The following MAPK9 variants were observed in gnomAD, a reference collection of about 807,000 sequenced individuals.
MAPK9 encodes the protein mitogen-activated protein kinase 9, also known as Jun kinase.
MAPK9 carries 30 observed loss-of-function variants against 57.1 expected under a neutral mutation model. The ratio of observed to expected loss-of-function variants is 0.53; its 90% CI spans 0.39 to 0.71. MAPK9 has a LOEUF of 0.71. MAPK9 is among the 30% of genes least tolerant of loss of function. The pLI, the probability that MAPK9 is intolerant of heterozygous loss-of-function variation, is 0.00. For missense variants in MAPK9, 362 were observed against 521.0 expected (o/e 0.69, Z 2.97); for synonymous variants, 155 against 177.0 (o/e 0.88, Z 0.99).
intron 1 of MAPK9, among the ~76,000 whole-genome samples, chr5:180,287,582 G>C (rs1023562129): frequency 6.6e-6 from 1 of 152,132 alleles, no homozygotes; most frequent in Admixed American, 6.5e-5. Context: ...AACCACCTGG[G>C]ATCAGCGGAC....
chr5:180,284,831 A>G (rs182618585), intron 1 of MAPK9, among the ~76,000 whole-genome samples: 3 of 152,298 alleles, frequency 2.0e-5, no homozygotes, highest in South Asian at 2.1e-4. Context: ...ATCAATGTGG[A>G]AAGATGTCTA....
At chr5:180,267,928 T>G (rs1413585750) in intron 3 of MAPK9, among the ~76,000 whole-genome samples, 8 of 152,184 alleles carry the variant, frequency 5.3e-5, no homozygotes, top group Non-Finnish European at 2.9e-5. Flanking sequence ...AGTGGTGCTA[T>G]CTCAGCTCAC....
Position 180,236,514 on chromosome 5 carries a change from C to T in MAPK9, c.1145G>A (p.Ser382Asn). 1 of 1,613,872 alleles carries T rather than the reference C, an allele frequency of 6.2e-7. No individual in the cohort carries two copies. Residue 382 changes from serine to asparagine, a missense_variant, in exon 12 of 12, where the codon AGT becomes AAT. Coordinates refer to ENST00000452135, the MANE Select transcript of MAPK9 (RefSeq NM_002752.5). ...AGACTGAGAAGGAGTGGCGTTGCTA[C>T]TTACTGCTGCATCTGTGCTAAGAAA... ...VKDQPSDAAV[S>N]SNATPSQSSS...
rs117165727 is a variant in MAPK9 at position 180,267,279 on chromosome 5, A to G, written c.252+2001T>C. Among the ~76,000 whole-genome samples, 585 of 152,256 alleles carry G rather than the reference A, an allele frequency of 3.8e-3. 39 individuals carry two copies. In the East Asian group the frequency reaches 0.1, roughly 26 times the overall value. ...ATTTTTTAAATAAGTAAGTAAAACA[A>G]GTCCGGGTGCGGTGGCTCACGCCTG... On this transcript the variant is annotated intron_variant, in intron 3 of 11. Coordinates refer to ENST00000452135, the MANE Select transcript of MAPK9 (RefSeq NM_002752.5).
rs190787486 is a variant in MAPK9 at position 180,264,987 on chromosome 5, A to G, written c.253-148T>C. ...TTACTGCTTTTACCAATTACATGGC[A>G]TTTGAGAAAAGTTAAACATCAATTA... is the stretch of plus-strand genomic sequence containing the variant. On this transcript the variant is annotated intron_variant, in intron 3 of 11. Transcript: ENST00000452135. The G allele has an allele frequency of 7.8e-5, 45 of 576,814 alleles. No individual in the cohort carries two copies. The African/African-American group carries it at 8.2e-4, about 10-fold the overall frequency. 35.7% of individuals were successfully genotyped at this position (576,814 alleles called of 1,614,324 possible). A position where few individuals can be genotyped will look rare whatever the true frequency, so the allele number is the denominator to read the frequency against.
chr5:180,272,982 GT>G (rs1761482811), intron 2 of MAPK9, among the ~76,000 whole-genome samples: 1 of 151,976 alleles, frequency 6.6e-6, no homozygotes, highest in Non-Finnish European at 1.5e-5. Flanking sequence ...CCTCTGCGTG[GT>G]TCCAGTACAC....
At chr5:180,289,174 C>G (rs939398162) in intron 1 of MAPK9, among the ~76,000 whole-genome samples, 1 of 152,122 alleles carries the variant, frequency 6.6e-6, no homozygotes, top group African/African-American at 2.4e-5. Flanking sequence ...CTGGTTTACT[C>G]GCTATTAACT....
intron 3 of MAPK9, among the ~76,000 whole-genome samples, chr5:180,266,846 C>T (rs1469381474): frequency 6.6e-6 from 1 of 152,144 alleles, no homozygotes; most frequent in East Asian, 1.9e-4. Flanking sequence ...TCTGACCTGA[C>T]AATGTTGGCC....
At chr5:180,266,111 C>A (rs966724434) in intron 3 of MAPK9, among the ~76,000 whole-genome samples, 11 of 151,000 alleles carry the variant, frequency 7.3e-5, no homozygotes, top group African/African-American at 2.7e-4. Context: ...AAAAAACCCT[C>A]CTACAAATGC....
At chr5:180,291,676 G>A (rs1322354687) in intron 1 of MAPK9, among the ~76,000 whole-genome samples, 172 bp downstream of exon 1, 1 of 151,502 alleles carries the variant, frequency 6.6e-6, no homozygotes, top group Non-Finnish European at 1.5e-5. Flanking sequence ...ACAGCCGGGC[G>A]GAAGGGGGCG....
intron 2 of MAPK9, chr5:180,279,780 A>G: frequency 2.2e-6 from 1 of 454,770 alleles, no homozygotes. Flanking sequence ...TCTAGGAAAC[A>G]TGTGAAGAGC....
chr5:180,241,282 T>A (rs1757631268), intron 8 of MAPK9, 127 bp from the exon 9 acceptor site: 2 of 1,066,114 alleles, frequency 1.9e-6, no homozygotes, highest in Non-Finnish European at 2.6e-6. Context: ...GTTTGATAGG[T>A]TCAAGATGAA....
rs1380937878 is a variant in MAPK9 at position 180,247,467 on chromosome 5, T to A, written c.660A>T (p.Lys220Asn). Residue 220 changes from lysine (K) to asparagine (N), a missense_variant, in exon 7 of 12, where the codon AAA becomes AAT. This residue lies in a region of MAPK9 where 199 missense variants were observed against 251.3 expected (regional missense o/e 0.79). Transcript: ENST00000452135. This position sits in a 1 kb window ranked among gnomAD's most constrained non-coding sequence, Gnocchi z 4.5. ...SVGCIMGELV[K>N]GCVIFQGTDH... ...CAGTGCCTTGGAATATCACACAACC[T>A]TTCACCAGCTCTCCCATGATGCAAC... 1 of 1,614,082 alleles carries A rather than the reference T, an allele frequency of 6.2e-7. No homozygotes were observed.
chr5:180,287,820 G>C (rs1397359229), intron 1 of MAPK9, among the ~76,000 whole-genome samples: 1 of 152,074 alleles, frequency 6.6e-6, no homozygotes, highest in African/African-American at 2.4e-5. Flanking sequence ...ATTGCATTCC[G>C]AGTCTACTTA....
In MAPK9 at chr5:180,236,372, A is replaced by C. The variant is rs1757172451; in HGVS notation, c.*12T>G. On this transcript the variant is annotated 3_prime_UTR_variant, in exon 12 of 12. Coordinates refer to ENST00000452135, the MANE Select transcript of MAPK9 (RefSeq NM_002752.5). ...TTCCTTCAATGCTGACAGGTTTGCT[A>C]TTTCTAACCTATCATCGACAGCCTT... The C allele has an allele frequency of 6.3e-7, 1 of 1,599,290 alleles. No homozygotes were observed. Among genetic ancestry groups the C allele is most frequent in the Admixed American group, 1.7e-5 (1 of 59,368 alleles).
At chr5:180,279,235 C>T (rs1001771092) in intron 2 of MAPK9, among the ~76,000 whole-genome samples, 6 of 152,296 alleles carry the variant, frequency 3.9e-5, no homozygotes, top group African/African-American at 1.4e-4. Context: ...GGATTACAGG[C>T]GTGAGCCACC....
intron 3 of MAPK9, among the ~76,000 whole-genome samples, chr5:180,268,125 A>G (rs1264462448): frequency 1.3e-5 from 2 of 152,152 alleles, no homozygotes; most frequent in African/African-American, 2.4e-5. Context: ...CACCCGGCCA[A>G]CATTTTGTAA....
chr5:180,234,616 G>A lies in MAPK9; in HGVS notation c.*1768C>T, dbSNP rs542136933. The A allele has an allele frequency of 2.6e-5, 4 of 152,292 alleles. No individual in the cohort carries two copies. The highest frequency in any genetic ancestry group is 2.6e-4 in the Admixed American group (4 of 15,296). The allele number at this position is 152,292 out of a possible 1,614,324, so 9.4% of individuals were successfully genotyped here. On this transcript the variant is annotated 3_prime_UTR_variant, in exon 12 of 12. Transcript: ENST00000452135. ...TCCTTTTAAAGATAGATTTAGTGAAGTCTTTTAAAAGAAAGTGTATTACAG... is the reference window on the plus strand; with the variant it reads ...TCCTTTTAAAGATAGATTTAGTGAAATCTTTTAAAAGAAAGTGTATTACAG...
At chr5:180,280,833 T>C (rs1762257249) in intron 1 of MAPK9, among the ~76,000 whole-genome samples, 1 of 152,098 alleles carries the variant, frequency 6.6e-6, no homozygotes, top group Admixed American at 6.6e-5. Context: ...AGACCACACT[T>C]TAAGGGGCTG....
Sources: gnomAD v4.1 joint callset for allele counts (sites outside exome capture counted in the v4.1 genomes callset) on GRCh38, gnomAD v4.1.1 for gene constraint, gnomAD v4.1.1 regional missense constraint, Gnocchi (gnomAD v3.1) non-coding constraint, MANE v1.5 for transcripts, NCBI Gene and HGNC (gene_info 2026-07-23, HGNC 2026-07-21) for gene names.